The following TMEM278 variants were observed in gnomAD, a reference collection of about 807,000 sequenced individuals.
TMEM278 encodes transmembrane protein 88B.
the TMEM278 span, chr1:1,427,729 G>A: frequency 7.7e-7 from 1 of 1,306,612 alleles, no homozygotes; most frequent in Non-Finnish European, 9.7e-7. Flanking sequence ...GGGACCCCCG[G>A]ACCCCGCCGC....
chr1:1,427,112 GGCCCCTCTACCGCCCC>G, the TMEM278 span, among the ~76,000 whole-genome samples: 1 of 118,910 alleles, frequency 8.4e-6, no homozygotes, highest in East Asian at 2.8e-4. Flanking sequence ...AGCCCGCCAC[GGCCCCTCTACCGCCCC>G]GCCCCGCTCT....
the TMEM278 span, chr1:1,427,562 C>G: frequency 1.7e-6 from 2 of 1,180,472 alleles, no homozygotes; most frequent in Admixed American, 5.7e-5. Context: ...AGGTCCACCC[C>G]GCTCCGGGTC....
the TMEM278 span, among the ~76,000 whole-genome samples, chr1:1,426,806 C>T: frequency 6.6e-6 from 1 of 152,082 alleles, no homozygotes; most frequent in Non-Finnish European, 1.5e-5. Flanking sequence ...TGGGCTGTGG[C>T]CTGCTCTGGG....
the TMEM278 span, chr1:1,427,722 A>G: frequency 2.3e-6 from 3 of 1,295,576 alleles, no homozygotes; most frequent in Non-Finnish European, 1.9e-6. Context: ...GCCCGCTGGG[A>G]CCCCCGGACC....
At chr1:1,427,920 A>C in the TMEM278 span, 1 of 731,610 alleles carries the variant, frequency 1.4e-6, no homozygotes, top group Non-Finnish European at 1.8e-6. Flanking sequence ...CCGGCTTACG[A>C]CCCCGGCCTC....
the TMEM278 span, among the ~76,000 whole-genome samples, chr1:1,426,788 C>T: frequency 6.6e-6 from 1 of 152,134 alleles, no homozygotes; most frequent in Non-Finnish European, 1.5e-5. Context: ...GCTTCCCCAC[C>T]TGCAGAGTGG....
chr1:1,428,999 CAAA>C, the TMEM278 span, among the ~76,000 whole-genome samples: 15 of 93,274 alleles, frequency 1.6e-4, no homozygotes, highest in Admixed American at 4.5e-4. Flanking sequence ...GGCTCCGTCT[CAAA>C]AAAAAAAAAA....
At chr1:1,426,511 C>G in the TMEM278 span, 1 of 742,354 alleles carries the variant, frequency 1.3e-6, no homozygotes, top group African/African-American at 1.9e-5. Flanking sequence ...GTGCCCCTCC[C>G]TGGCAGCCCC....
chr1:1,427,347 A>G, the TMEM278 span, among the ~76,000 whole-genome samples: 1 of 59,694 alleles, frequency 1.7e-5, no homozygotes, highest in Non-Finnish European at 3.2e-5. Context: ...CTTCCCCTCC[A>G]TCACCCTGCC....
At chr1:1,427,989 G>A in the TMEM278 span, among the ~76,000 whole-genome samples, 13 of 136,518 alleles carry the variant, frequency 9.5e-5, no homozygotes, top group African/African-American at 3.6e-4. Context: ...GAGGGGAGGG[G>A]AGGGGAAGAG....
chr1:1,427,738 GC>G, the TMEM278 span: 15 of 1,300,910 alleles, frequency 1.2e-5, no homozygotes, highest in South Asian at 6.2e-5. Context: ...GGACCCCGCC[GC>G]CCCCCGGGGC....
At chr1:1,426,046 T>C in the TMEM278 span, 1 of 1,273,728 alleles carries the variant, frequency 7.9e-7, no homozygotes, top group South Asian at 2.9e-5. Context: ...TGGGGCGGGG[T>C]TAAAGGTCTT....
At chr1:1,427,195 C>T in the TMEM278 span, among the ~76,000 whole-genome samples, 10 of 147,244 alleles carry the variant, frequency 6.8e-5, no homozygotes, top group East Asian at 2.0e-4. Flanking sequence ...CTCCCTTTGC[C>T]GTGGCCCTGC....
the TMEM278 span, among the ~76,000 whole-genome samples, chr1:1,427,308 C>G: frequency 2.2e-5 from 3 of 135,754 alleles, no homozygotes; most frequent in Non-Finnish European, 3.2e-5. Flanking sequence ...TCACCCTGAC[C>G]CACCCACACC....
At chr1:1,428,994 C>T in the TMEM278 span, among the ~76,000 whole-genome samples, 121 of 124,948 alleles carry the variant, frequency 9.7e-4, no homozygotes, top group African/African-American at 3.8e-3. Flanking sequence ...AGCGAGGCTC[C>T]GTCTCAAAAA....
chr1:1,426,933 G>A, the TMEM278 span, among the ~76,000 whole-genome samples: 1 of 151,740 alleles, frequency 6.6e-6, no homozygotes, highest in African/African-American at 2.4e-5. Context: ...TCCCCTCAAG[G>A]GACCCTGCTC....
At chr1:1,429,800 G>A in the TMEM278 span, among the ~76,000 whole-genome samples, 2 of 152,204 alleles carry the variant, frequency 1.3e-5, no homozygotes, top group Non-Finnish European at 2.9e-5. Context: ...CCCTGTGTGT[G>A]TCCAGGGAGT....
chr1:1,426,316 C>G, the TMEM278 span: 1 of 1,479,194 alleles, frequency 6.8e-7, no homozygotes, highest in South Asian at 1.3e-5. Context: ...TGCTGCCCGC[C>G]GCAGCCTTCC....
chr1:1,427,820 C>T, the TMEM278 span: 1 of 1,372,280 alleles, frequency 7.3e-7, no homozygotes, highest in Non-Finnish European at 9.4e-7. Flanking sequence ...CGGGAGGCCT[C>T]CGAGCTCGCG....
Sources: gnomAD v4.1 joint callset for allele counts (sites outside exome capture counted in the v4.1 genomes callset) on GRCh38, gnomAD v4.1.1 for gene constraint, MANE v1.5 for transcripts, NCBI Gene and HGNC (gene_info 2026-07-23, HGNC 2026-07-21) for gene names.